Variants in TMEM132C observed in about 807,000 individuals in gnomAD.
TMEM132C encodes protein phosphatase 1, regulatory subunit 152.
Under a neutral mutation model 61.4 loss-of-function variants are expected in TMEM132C, and 29 were observed. The ratio of observed to expected loss-of-function variants is 0.47; its 90% confidence interval spans 0.35 to 0.64. TMEM132C has a LOEUF of 0.64. Among genes scored for constraint, TMEM132C ranks in the 30% least tolerant of loss-of-function variants. The pLI is 0.00. For synonymous variants in TMEM132C, 656 were observed against 633.1 expected, an observed-to-expected ratio of 1.04 and a Z score of -0.54; for missense variants, 1,408 against 1,476.9, an observed-to-expected ratio of 0.95 and a Z score of 0.76.
At chr12:128,356,199 A>C (rs1873499901) in intron 1 of TMEM132C, among the ~76,000 whole-genome samples, 4 of 152,184 alleles carry the variant, frequency 2.6e-5, no homozygotes, top group African/African-American at 9.6e-5. Context: ...GGTTGTATGG[A>C]AAACGCACCT....
At chr12:128,652,322 C>T (rs1954279663) in intron 4 of TMEM132C, among the ~76,000 whole-genome samples, 1 of 152,230 alleles carries the variant, frequency 6.6e-6, no homozygotes, top group South Asian at 2.1e-4. Flanking sequence ...AAGCTTTCCC[C>T]TTCCTCCGGG....
chr12:128,317,868 A>T (rs895152772), intron 1 of TMEM132C, among the ~76,000 whole-genome samples: 1 of 152,248 alleles, frequency 6.6e-6, no homozygotes, highest in Admixed American at 6.5e-5. Context: ...ACTGTACTCC[A>T]TCCTGGGTGA....
intron 1 of TMEM132C, among the ~76,000 whole-genome samples, chr12:128,285,714 T>C (rs1871035024): frequency 6.9e-6 from 1 of 145,160 alleles, no homozygotes; most frequent in African/African-American, 2.6e-5. Flanking sequence ...TCTGTCCCTT[T>C]CTCTCTTTCT....
chr12:128,536,543 A>AGAGG (rs397748791), intron 2 of TMEM132C, among the ~76,000 whole-genome samples: 39 of 149,564 alleles, frequency 2.6e-4, no homozygotes, highest in Non-Finnish European at 4.9e-4. Context: ...AAAAAAAGAG[A>AGAGG]AGGTGGCTGT....
chr12:128,669,459 G>T lies in TMEM132C; in HGVS notation c.1348G>T (p.Val450Phe). 1 of 1,551,656 alleles carries T rather than the reference G, an allele frequency of 6.4e-7. No individual in the cohort carries two copies. The highest frequency in any genetic ancestry group is 8.7e-7 in the Non-Finnish European group (1 of 1,146,970). Residue 450 changes from valine (V) to phenylalanine (F), a missense_variant, in exon 5 of 9, where the codon GTT (valine) becomes TTT (phenylalanine). By Grantham distance (50) the Val-to-Phe change is conservative. Coordinates refer to ENST00000435159, the MANE Select transcript of TMEM132C (RefSeq NM_001136103.3). The stretch of plus-strand genomic sequence containing the variant: ...CACCGCCGTACTCACAGGAAAGACA[G>T]TTGCCATGCCTATCAAGGTGGTCTC... ...LNTAVLTGKT[V>F]AMPIKVVSVE...
intron 3 of TMEM132C, among the ~76,000 whole-genome samples, chr12:128,546,220 G>A (rs896133122): frequency 6.6e-6 from 1 of 152,176 alleles, no homozygotes; most frequent in Non-Finnish European, 1.5e-5. Context: ...AACATGGCCA[G>A]AAAGAAATGT....
intron 3 of TMEM132C, among the ~76,000 whole-genome samples, chr12:128,606,039 G>A (rs1157441264): frequency 1.3e-5 from 2 of 152,332 alleles, no homozygotes; most frequent in East Asian, 3.9e-4. Context: ...TGCAGCACTG[G>A]GAAGCCCACT....
intron 3 of TMEM132C, among the ~76,000 whole-genome samples, chr12:128,615,405 G>T (rs1202309474): frequency 1.3e-5 from 2 of 152,122 alleles, no homozygotes; most frequent in Non-Finnish European, 2.9e-5. Context: ...GAATAATAAT[G>T]AACTAATTAC....
chr12:128,279,389 C>T (rs1347796268), intron 1 of TMEM132C, among the ~76,000 whole-genome samples: 1 of 152,188 alleles, frequency 6.6e-6, no homozygotes, highest in African/African-American at 2.4e-5. Flanking sequence ...TCAGCAAACA[C>T]CAGCTGCATG....
At position 128,702,427 on chromosome 12, in the gene TMEM132C, G is replaced by A. The variant is rs145869616; in HGVS notation, c.2122-2663G>A. 2.8e-3 allele frequency among the ~76,000 whole-genome samples: 428 copies of A among 152,038 alleles called. 3 individuals carry two copies. Among genetic ancestry groups the A allele is most frequent in the African/African-American group, 9.4e-3 (392 of 41,482 alleles). On this transcript the variant is annotated intron_variant, in intron 8 of 8. Transcript: ENST00000435159. ...TATTTATTGTTTTATTTCATAGACT[G>A]TTGTTTTTTGTTGGTTTCCTTTAAG... is the stretch of plus-strand genomic sequence containing the variant.
chr12:128,502,024 A>C (rs1872198345), intron 2 of TMEM132C, among the ~76,000 whole-genome samples: 1 of 152,250 alleles, frequency 6.6e-6, no homozygotes, highest in Non-Finnish European at 1.5e-5. Flanking sequence ...TGATGGCTAC[A>C]TTTTAGAAGA....
At chr12:128,681,108 G>A (rs1194848073) in intron 5 of TMEM132C, among the ~76,000 whole-genome samples, 1 of 152,094 alleles carries the variant, frequency 6.6e-6, no homozygotes, top group Admixed American at 6.6e-5. Context: ...TGCCTCCTGA[G>A]TAGCTGGGAT....
intron 3 of TMEM132C, among the ~76,000 whole-genome samples, chr12:128,602,104 A>T (rs897095594): frequency 3.9e-5 from 6 of 152,112 alleles, no homozygotes; most frequent in Non-Finnish European, 7.4e-5. Context: ...AGCCTAAGCT[A>T]CTCAGGAGGT....
chr12:128,696,228 A>C (rs1268819534), intron 7 of TMEM132C, 125 bp downstream of exon 7: 1 of 1,314,350 alleles, frequency 7.6e-7, no homozygotes, highest in Non-Finnish European at 1.0e-6. Flanking sequence ...GAACACAGGA[A>C]GATGAGCCCA....
At chr12:128,535,817 G>A (rs58081321) in intron 2 of TMEM132C, among the ~76,000 whole-genome samples, 9,832 of 151,660 alleles carry the variant, frequency 0.065, 1,079 homozygotes, top group African/African-American at 0.22. Flanking sequence ...GCAGTGAACC[G>A]AGATCACGCC....
In TMEM132C at chr12:128,409,238, G is replaced by T. The variant is rs146597532; in HGVS notation, c.86-5494G>T. Among the ~76,000 whole-genome samples, 169 of 152,278 alleles carry T rather than the reference G, an allele frequency of 1.1e-3. 2 individuals are homozygous for T. Among genetic ancestry groups the T allele is most frequent in the East Asian group, 6.8e-3 (35 of 5,174 alleles). On this transcript the variant is annotated intron_variant, in intron 1 of 8. Transcript: ENST00000435159. Reference sequence around the variant, plus strand: ...TATTCAAATAGCAAGGAGGTTGCTTGTGGTCCTTCTGTTGATGTCAGGGAT... The same window carrying T: ...TATTCAAATAGCAAGGAGGTTGCTTTTGGTCCTTCTGTTGATGTCAGGGAT...
intron 1 of TMEM132C, among the ~76,000 whole-genome samples, chr12:128,406,544 G>T (rs1875351220): frequency 6.6e-6 from 1 of 152,194 alleles, no homozygotes. Flanking sequence ...AGTCAGGGAG[G>T]CTTCCTATTA....
chr12:128,372,553 A>G (rs997397346), intron 1 of TMEM132C, among the ~76,000 whole-genome samples: 1 of 152,192 alleles, frequency 6.6e-6, no homozygotes. Flanking sequence ...TGTCTTTACC[A>G]CTACTTTGCA....
chr12:128,469,836 A>T (rs1166974595), intron 2 of TMEM132C, among the ~76,000 whole-genome samples: 1 of 152,086 alleles, frequency 6.6e-6, no homozygotes, highest in Non-Finnish European at 1.5e-5. Context: ...ATTTATATAC[A>T]TAAATGTACC....
Sources: allele counts gnomAD v4.1 joint callset (sites outside exome capture counted in the v4.1 genomes callset), GRCh38; gene constraint gnomAD v4.1.1; transcripts MANE v1.5; gene names NCBI Gene and HGNC (gene_info 2026-07-23, HGNC 2026-07-21).